CTDSPL: variants seen among roughly 807,000 people sequenced by gnomAD.
CTDSPL encodes the protein CTD small phosphatase-like protein.
CTDSPL carries 8 observed loss-of-function variants against 30.5 expected under a neutral mutation model. The observed-to-expected ratio is 0.26, with a 90% CI of 0.15 to 0.47. The LOEUF (loss-of-function observed/expected upper bound fraction) is 0.47. Among genes scored for constraint, CTDSPL ranks in the 20% least tolerant of loss-of-function variants. The pLI, the probability that CTDSPL is intolerant of heterozygous loss-of-function variation, is 0.99. For missense variants in CTDSPL, 248 were observed against 366.1 expected, an observed-to-expected ratio of 0.68 and a Z score of 2.63; for synonymous variants, 110 against 137.9, an observed-to-expected ratio of 0.80 and a Z score of 1.42.
At chr3:37,934,682 G>A (rs553457300) in intron 1 of CTDSPL, among the ~76,000 whole-genome samples, 23 of 152,326 alleles carry the variant, frequency 1.5e-4, no homozygotes, top group South Asian at 4.1e-4. Flanking sequence ...TGTGGATGGC[G>A]TAGGTTAAAA....
In CTDSPL at chr3:37,868,803, C is replaced by G. The variant is rs111968570; in HGVS notation, c.79+6525C>G. On this transcript the variant is annotated intron_variant, in intron 1 of 7. Coordinates refer to ENST00000273179, the MANE Select transcript of CTDSPL (RefSeq NM_001008392.2). Reference sequence around the variant, plus strand: ...TGCCTATACTATATAATCTTGATTTCTGTAGCTAAATAATAAGTCATGATA... The same window carrying G: ...TGCCTATACTATATAATCTTGATTTGTGTAGCTAAATAATAAGTCATGATA... Among the ~76,000 whole-genome samples, 166 of 152,192 alleles carry G rather than the reference C, an allele frequency of 1.1e-3. 1 individual carries two copies. Among genetic ancestry groups the G allele is most frequent in the African/African-American group, 3.8e-3 (156 of 41,552 alleles).
Position 37,975,048 on chromosome 3 carries a change from G to A in CTDSPL, c.520-661G>A, listed in dbSNP as rs747884070. Among the ~76,000 whole-genome samples the A allele has an allele frequency of 7.2e-5, 11 of 152,232 alleles. No homozygotes were observed. The highest frequency in any genetic ancestry group is 1.6e-4 in the Non-Finnish European group (11 of 68,046). On this transcript the variant is annotated intron_variant, in intron 6 of 7. Coordinates refer to ENST00000273179, the MANE Select transcript of CTDSPL (RefSeq NM_001008392.2). This position sits in a 1 kb window ranked among gnomAD's most constrained non-coding sequence, Gnocchi z 4.9. Reference sequence around the variant, plus strand: ...GGGAAACAACCCAGAAAGGAAGATAGATGTGGCTCTAGGTGGATGGGAGAG... The same window carrying A: ...GGGAAACAACCCAGAAAGGAAGATAAATGTGGCTCTAGGTGGATGGGAGAG...
chr3:37,897,351 C>T (rs554129389), intron 1 of CTDSPL, among the ~76,000 whole-genome samples: 8 of 152,120 alleles, frequency 5.3e-5, no homozygotes, highest in African/African-American at 9.7e-5. Flanking sequence ...CTGCACATGT[C>T]GCAGGTAAGT....
intron 1 of CTDSPL, among the ~76,000 whole-genome samples, chr3:37,908,706 A>C (rs1350838295): frequency 1.3e-5 from 2 of 152,246 alleles, no homozygotes; most frequent in Non-Finnish European, 2.9e-5. Context: ...CTCTTGGTGC[A>C]AATTACTAAA....
At chr3:37,973,816 C>T (rs1024037401) in intron 6 of CTDSPL, among the ~76,000 whole-genome samples, 4 of 152,282 alleles carry the variant, frequency 2.6e-5, no homozygotes, top group African/African-American at 7.2e-5. Context: ...AGTCCCTCCC[C>T]TTGTGAAGCT....
intron 1 of CTDSPL, among the ~76,000 whole-genome samples, chr3:37,881,021 C>CAAAAAAAA (rs200179594): frequency 2.4e-5 from 2 of 84,232 alleles, no homozygotes. Context: ...TGAGGGGGAC[C>CAAAAAAAA]AAAAAAAAAA....
At position 37,952,501 on chromosome 3, in the gene CTDSPL, ACTGGC is replaced by A. The variant is rs1485719167; in HGVS notation, c.235-4608_235-4604del. 2.6e-5 allele frequency among the ~76,000 whole-genome samples: 4 copies of A among 152,376 alleles called. No homozygotes were observed. In the East Asian group the frequency reaches 7.7e-4, roughly 29 times the overall value. On this transcript the variant is annotated intron_variant, in intron 2 of 7. Transcript: ENST00000273179. ...AAGGAAGAAGATAGGAAGGGGTGGC[ACTGGC>A]CATGTCAGTCCCTTTTATGGAAAGT... is the stretch of plus-strand genomic sequence containing the variant.
At chr3:37,897,608 G>A (rs1289614345) in intron 1 of CTDSPL, among the ~76,000 whole-genome samples, 1 of 152,144 alleles carries the variant, frequency 6.6e-6, no homozygotes, top group East Asian at 1.9e-4. Flanking sequence ...CCCAAACAAT[G>A]TATTGAACCA....
intron 3 of CTDSPL, among the ~76,000 whole-genome samples, chr3:37,961,979 G>T (rs1163915814): frequency 1.3e-5 from 2 of 152,178 alleles, no homozygotes; most frequent in African/African-American, 4.8e-5. Context: ...TTCCCAAACC[G>T]TGGATGGCAA....
intron 1 of CTDSPL, among the ~76,000 whole-genome samples, chr3:37,870,937 T>G (rs1698064494): frequency 6.6e-6 from 1 of 152,186 alleles, no homozygotes; most frequent in Non-Finnish European, 1.5e-5. Context: ...TTATTACAAT[T>G]GATAAACCTG....
chr3:37,922,568 C>T (rs1250459597), intron 1 of CTDSPL, among the ~76,000 whole-genome samples: 1 of 152,196 alleles, frequency 6.6e-6, no homozygotes, highest in Non-Finnish European at 1.5e-5. Flanking sequence ...TTTATTAAAG[C>T]AGCTAGCAGG....
intron 1 of CTDSPL, among the ~76,000 whole-genome samples, chr3:37,926,881 C>G (rs538823205): frequency 6.6e-6 from 1 of 152,246 alleles, no homozygotes; most frequent in South Asian, 2.1e-4. Flanking sequence ...TCCCACAGGA[C>G]GATGATCATA....
At chr3:37,892,801 A>C (rs1698343125) in intron 1 of CTDSPL, among the ~76,000 whole-genome samples, 1 of 152,222 alleles carries the variant, frequency 6.6e-6, no homozygotes. Flanking sequence ...GAAAGCTGGA[A>C]CGATGTCTGA....
rs115553045 is a variant in CTDSPL, at chr3:37,968,835, G to A, written c.426+953G>A. On this transcript the variant is annotated intron_variant, in intron 5 of 7. Coordinates refer to ENST00000273179, the MANE Select transcript of CTDSPL (RefSeq NM_001008392.2). ...GGAAGGGGTTGGTTAAAGGTCATAC[G>A]ATGGGAAGAATTAAAATGAAAATTC... 7.6e-3 allele frequency among the ~76,000 whole-genome samples: 1,164 copies of A among 152,330 alleles called. 14 individuals are homozygous for A. Among genetic ancestry groups the A allele is most frequent in the African/African-American group, 0.026 (1,087 of 41,556 alleles).
intron 2 of CTDSPL, among the ~76,000 whole-genome samples, chr3:37,953,447 A>T (rs575912338): frequency 3.3e-5 from 5 of 152,340 alleles, no homozygotes; most frequent in African/African-American, 9.6e-5. Context: ...GTTCAAGGGA[A>T]ATGGAAATGT....
chr3:37,870,366 C>G (rs905473132), intron 1 of CTDSPL, among the ~76,000 whole-genome samples: 1 of 151,846 alleles, frequency 6.6e-6, no homozygotes, highest in South Asian at 2.1e-4. Flanking sequence ...AGCATTTTTC[C>G]CTTATTACCT....
chr3:37,901,584 A>G (rs934916424), intron 1 of CTDSPL, among the ~76,000 whole-genome samples: 4 of 152,162 alleles, frequency 2.6e-5, no homozygotes, highest in African/African-American at 9.7e-5. Flanking sequence ...AATGGCTCAT[A>G]TTTATTGTGC....
chr3:37,952,389 C>T (rs1339947177), intron 2 of CTDSPL, among the ~76,000 whole-genome samples: 2 of 152,158 alleles, frequency 1.3e-5, no homozygotes, highest in East Asian at 3.8e-4. Context: ...CTTTCTGCTC[C>T]CCTATCCTTG....
chr3:37,930,088 C>A (rs1386377054), intron 1 of CTDSPL, among the ~76,000 whole-genome samples: 1 of 142,200 alleles, frequency 7.0e-6, no homozygotes, highest in African/African-American at 2.7e-5. Context: ...GCCTGGGTGA[C>A]AGAGTGAGAC....
Sources: allele counts gnomAD v4.1 joint callset (sites outside exome capture counted in the v4.1 genomes callset), GRCh38; gene constraint gnomAD v4.1.1; non-coding constraint Gnocchi (gnomAD v3.1); transcripts MANE v1.5; gene names NCBI Gene and HGNC (gene_info 2026-07-23, HGNC 2026-07-21).